CALN1: variants seen among roughly 807,000 people sequenced by gnomAD.
CALN1 encodes calneuron 1.
In CALN1, 17 loss-of-function variants were observed where a neutral mutation model predicts 30.6. The observed-to-expected ratio is 0.56, with a 90% CI of 0.38 to 0.83. The LOEUF (loss-of-function observed/expected upper bound fraction) is 0.83. Among genes scored for constraint, CALN1 ranks in the 40% least tolerant of loss-of-function variants. The probability of loss-of-function intolerance (pLI) is 0.00; values close to 1 mark genes in which losing one functional copy is unlikely to be tolerated. For synonymous variants in CALN1, 156 were observed against 131.4 expected (o/e 1.19, Z -1.28); for missense variants, 291 against 354.9 (o/e 0.82, Z 1.45).
intron 2 of CALN1, among the ~76,000 whole-genome samples, chr7:72,354,917 T>TA (rs995312102): frequency 6.6e-6 from 1 of 151,514 alleles, no homozygotes; most frequent in Non-Finnish European, 1.5e-5. Context: ...TTTTTTTTTT[T>TA]AATTTCCCTT....
chr7:72,139,694 T>G (rs375498307), intron 3 of CALN1, among the ~76,000 whole-genome samples: 1 of 152,116 alleles, frequency 6.6e-6, no homozygotes, highest in South Asian at 2.1e-4. Context: ...TCCTCAGCCA[T>G]GTCCATCCTC....
In CALN1 at chr7:72,169,496, T is replaced by TTA. The variant is rs1284368271; in HGVS notation, c.245-63203_245-63202insTA. On this transcript the variant is annotated intron_variant, in intron 3 of 6. Transcript: ENST00000395275. ...CACCACACCCAGCTGATTATTTTTT[T>TTA]TTTTTTTTCAGATACAGAATCTTTC... Among the ~76,000 whole-genome samples the TTA allele has an allele frequency of 2.8e-3, 420 of 150,810 alleles. 4 individuals are homozygous for TTA. Among genetic ancestry groups the TTA allele is most frequent in the African/African-American group, 9.4e-3 (384 of 40,956 alleles).
intron 3 of CALN1, among the ~76,000 whole-genome samples, chr7:72,132,582 G>C (rs1178425509): frequency 6.6e-6 from 1 of 152,132 alleles, no homozygotes; most frequent in African/African-American, 2.4e-5. Flanking sequence ...ATATATGTTT[G>C]CATCTTGCAC....
chr7:71,978,364 TG>T (rs911050138), intron 5 of CALN1, among the ~76,000 whole-genome samples: 2 of 143,962 alleles, frequency 1.4e-5, no homozygotes, highest in Non-Finnish European at 3.0e-5. Flanking sequence ...CTCCGCCTCC[TG>T]GGTTCACGCC....
chr7:72,477,560 G>A, the CALN1 span, among the ~76,000 whole-genome samples: 2 of 152,128 alleles, frequency 1.3e-5, no homozygotes, highest in Non-Finnish European at 2.9e-5. Context: ...TGGGACTACA[G>A]AAGAGCAACA....
intron 2 of CALN1, among the ~76,000 whole-genome samples, chr7:72,325,404 C>G (rs1297950558): frequency 6.6e-6 from 1 of 152,106 alleles, no homozygotes; most frequent in African/African-American, 2.4e-5. Context: ...AGTTCGAGAC[C>G]AGCCTGGCCA....
intron 3 of CALN1, among the ~76,000 whole-genome samples, chr7:72,212,380 G>GAAGAATCT (rs1170391727): frequency 6.6e-6 from 1 of 150,914 alleles, no homozygotes; most frequent in Non-Finnish European, 1.5e-5. Flanking sequence ...CCAGAGGGGG[G>GAAGAATCT]AAGAATCTAC....
chr7:71,892,851 T>C (rs1793322499), intron 5 of CALN1, among the ~76,000 whole-genome samples: 1 of 152,174 alleles, frequency 6.6e-6, no homozygotes, highest in African/African-American at 2.4e-5. Flanking sequence ...ACAAAACAGC[T>C]AACTCTCTAC....
chr7:72,207,567 C>T (rs553691237), intron 3 of CALN1, among the ~76,000 whole-genome samples: 8 of 152,234 alleles, frequency 5.3e-5, no homozygotes, highest in African/African-American at 7.2e-5. Context: ...CTGCAAGATC[C>T]GCCTCCTGGT....
intron 4 of CALN1, among the ~76,000 whole-genome samples, chr7:72,062,525 A>AG (rs1264928261): frequency 8.8e-5 from 13 of 148,212 alleles, no homozygotes; most frequent in Non-Finnish European, 1.3e-4. Context: ...AAAAAAAAAA[A>AG]AAAAAGAAAA....
chr7:72,399,961 A>G (rs1806227971), intron 2 of CALN1, among the ~76,000 whole-genome samples: 2 of 152,084 alleles, frequency 1.3e-5, no homozygotes, highest in African/African-American at 2.4e-5. Flanking sequence ...CTCTCTCTCC[A>G]TATGACATGC....
At chr7:72,034,860 T>C (rs891124117) in intron 4 of CALN1, among the ~76,000 whole-genome samples, 4 of 144,436 alleles carry the variant, frequency 2.8e-5, no homozygotes, top group African/African-American at 7.7e-5. Context: ...ATCTTCAAGA[T>C]AGCTTCTCAA....
chr7:72,240,207 T>A (rs10281908), intron 3 of CALN1, among the ~76,000 whole-genome samples: 7 of 150,682 alleles, frequency 4.6e-5, no homozygotes, highest in Non-Finnish European at 7.4e-5. Flanking sequence ...TTTTTTTTTT[T>A]AAATAAAGAT....
intron 5 of CALN1, among the ~76,000 whole-genome samples, chr7:71,948,453 G>A (rs1796516711): frequency 6.6e-6 from 1 of 152,132 alleles, no homozygotes; most frequent in East Asian, 1.9e-4. Context: ...TTCAGGCCGG[G>A]CACGATTGGC....
In CALN1 at chr7:72,411,025, A is replaced by G. The variant is rs555654711; in HGVS notation, c.-74+1033T>C. Among the ~76,000 whole-genome samples, 4 of 152,316 alleles carry G rather than the reference A, an allele frequency of 2.6e-5. No homozygotes were observed. In the South Asian group the frequency reaches 6.2e-4, roughly 24 times the overall value. On this transcript the variant is annotated intron_variant, in intron 1 of 6. Transcript: ENST00000395275. ...AGAATTCATGAAAAAACGATTACAAATAATAGGTGAATTTAGTAAAGCATT... is the reference window on the plus strand; with the variant it reads ...AGAATTCATGAAAAAACGATTACAAGTAATAGGTGAATTTAGTAAAGCATT...
intron 3 of CALN1, among the ~76,000 whole-genome samples, chr7:72,254,001 A>G (rs139483354): frequency 0.015 from 2,271 of 152,238 alleles, 65 homozygotes; most frequent in African/African-American, 0.052. Flanking sequence ...TCAGCCTACC[A>G]AAGTGCTGAG....
At chr7:72,408,372 G>A (rs1434690445) in intron 1 of CALN1, among the ~76,000 whole-genome samples, 2 of 152,014 alleles carry the variant, frequency 1.3e-5, no homozygotes, top group Non-Finnish European at 2.9e-5. Context: ...TTGAACCCGG[G>A]AGGTGGAGGT....
intron 5 of CALN1, among the ~76,000 whole-genome samples, chr7:71,948,457 G>A (rs369783090): frequency 2.3e-4 from 35 of 152,136 alleles, no homozygotes; most frequent in African/African-American, 8.4e-4. Context: ...GGCCGGGCAC[G>A]ATTGGCTTAT....
chr7:71,924,573 T>C (rs1795160720), intron 5 of CALN1, among the ~76,000 whole-genome samples: 1 of 152,160 alleles, frequency 6.6e-6, no homozygotes, highest in Non-Finnish European at 1.5e-5. Context: ...TAAAACAATA[T>C]CTGAGGTTTG....
Sources: allele counts gnomAD v4.1 joint callset (sites outside exome capture counted in the v4.1 genomes callset), GRCh38; gene constraint gnomAD v4.1.1; transcripts MANE v1.5; gene names NCBI Gene and HGNC (gene_info 2026-07-23, HGNC 2026-07-21).